PDE12: variants seen among roughly 807,000 people sequenced by gnomAD.
PDE12 encodes 2',5'-phosphodiesterase 12.
A neutral mutation model predicts 45.4 loss-of-function variants in PDE12; 26 were observed. That is an observed-to-expected ratio of 0.57 (90% CI 0.42 to 0.79). The LOEUF (loss-of-function observed/expected upper bound fraction) is 0.79, where lower values mean the gene tolerates loss of function less well. Ranked by LOEUF, PDE12 falls within the 30% of genes least tolerant of loss-of-function variation. The probability of loss-of-function intolerance (pLI) is 0.00; values close to 1 mark genes in which losing one functional copy is unlikely to be tolerated. For synonymous variants in PDE12, 283 were observed against 323.9 expected, an observed-to-expected ratio of 0.87 and a Z score of 1.36; for missense variants, 668 against 790.0, an observed-to-expected ratio of 0.85 and a Z score of 1.85.
chr3:57,629,666 C>G, the PDE12 span, among the ~76,000 whole-genome samples: 1 of 150,978 alleles, frequency 6.6e-6, no homozygotes, highest in African/African-American at 2.4e-5. Flanking sequence ...CGCCTGCCAC[C>G]ACGCCCGGCT....
At chr3:57,651,701 A>G in the PDE12 span, among the ~76,000 whole-genome samples, 2 of 152,024 alleles carry the variant, frequency 1.3e-5, no homozygotes, top group African/African-American at 2.4e-5. Context: ...AAAAAAAAAA[A>G]GATAAACCCG....
At chr3:57,604,291 A>G in the PDE12 span, among the ~76,000 whole-genome samples, 9 of 152,138 alleles carry the variant, frequency 5.9e-5, no homozygotes, top group Non-Finnish European at 1.3e-4. Flanking sequence ...CGAGAGAATT[A>G]ATCTACAAAT....
At chr3:57,580,568 A>AT in the PDE12 span, among the ~76,000 whole-genome samples, 1 of 148,670 alleles carries the variant, frequency 6.7e-6, no homozygotes, top group African/African-American at 2.5e-5. Context: ...TGCCCAGGTA[A>AT]TTTTTTTTTA....
chr3:57,625,888 C>A, the PDE12 span: 1 of 152,522 alleles, frequency 6.6e-6, no homozygotes, highest in Non-Finnish European at 1.5e-5. Flanking sequence ...TGAAATGATA[C>A]ATCCTGTAGT....
At chr3:57,589,858 C>T in the PDE12 span, among the ~76,000 whole-genome samples, 6 of 150,102 alleles carry the variant, frequency 4.0e-5, no homozygotes, top group South Asian at 8.4e-4. Flanking sequence ...TTTAGGAGGC[C>T]GAGGAGGGTG....
downstream of PDE12, among the ~76,000 whole-genome samples, chr3:57,570,219 G>GTTTT (rs34599005): frequency 0.3 from 30,647 of 101,740 alleles, 4,962 homozygotes; most frequent in South Asian, 0.42. Context: ...TTAATCCAGT[G>GTTTT]TTTTTTTTTT....
the PDE12 span, chr3:57,645,665 C>G: frequency 6.2e-7 from 1 of 1,606,930 alleles, no homozygotes; most frequent in Non-Finnish European, 8.5e-7. Flanking sequence ...ACTTACGGAG[C>G]TTGGGTACGG....
At chr3:57,573,797 G>C in the PDE12 span, among the ~76,000 whole-genome samples, 1 of 152,160 alleles carries the variant, frequency 6.6e-6, no homozygotes, top group Admixed American at 6.6e-5. Context: ...GCCCAGGCTG[G>C]TCTCGAACTC....
At chr3:57,575,208 C>T in the PDE12 span, among the ~76,000 whole-genome samples, 1 of 150,990 alleles carries the variant, frequency 6.6e-6, no homozygotes, top group East Asian at 1.9e-4. Flanking sequence ...ATAAGAAAGC[C>T]AGATTTCAAA....
the PDE12 span, among the ~76,000 whole-genome samples, chr3:57,588,682 C>T: frequency 1.4e-5 from 2 of 143,058 alleles, no homozygotes; most frequent in Non-Finnish European, 1.5e-5. Flanking sequence ...GGAGAAAGCC[C>T]GTCTCTACTC....
downstream of PDE12, among the ~76,000 whole-genome samples, chr3:57,568,361 G>GGGAGGATCGCTTGAGCTT (rs1332640532): frequency 6.6e-6 from 1 of 151,620 alleles, no homozygotes; most frequent in African/African-American, 2.4e-5. Context: ...AGGCTGAGGT[G>GGGAGGATCGCTTGAGCTT]GGAGGATCGC....
At chr3:57,641,416 AT>A in the PDE12 span, among the ~76,000 whole-genome samples, 1 of 147,496 alleles carries the variant, frequency 6.8e-6, no homozygotes, top group Admixed American at 6.9e-5. Context: ...TAAGTGTTAT[AT>A]TATTATTCTA....
chr3:57,609,767 A>G, the PDE12 span, among the ~76,000 whole-genome samples: 1 of 152,194 alleles, frequency 6.6e-6, no homozygotes, highest in Non-Finnish European at 1.5e-5. Context: ...AAAAAAGTCC[A>G]GGACCAGAGA....
At chr3:57,644,941 T>G in the PDE12 span, among the ~76,000 whole-genome samples, 9 of 151,892 alleles carry the variant, frequency 5.9e-5, no homozygotes, top group Non-Finnish European at 7.4e-5. Flanking sequence ...CAATCCGCAG[T>G]TGACTAGAAG....
chr3:57,607,354 G>A, the PDE12 span, among the ~76,000 whole-genome samples: 11 of 152,288 alleles, frequency 7.2e-5, no homozygotes, highest in South Asian at 1.5e-3. Context: ...CCGAAGGAAC[G>A]CAGCTCCTCA....
At chr3:57,575,201 A>G in the PDE12 span, among the ~76,000 whole-genome samples, 1 of 152,138 alleles carries the variant, frequency 6.6e-6, no homozygotes, top group Non-Finnish European at 1.5e-5. Context: ...ACCCTTAATA[A>G]GAAAGCCAGA....
In PDE12 at chr3:57,566,570, G is replaced by A. The variant is rs957588997; in HGVS notation, c.*6566G>A. On this transcript the variant is annotated 3_prime_UTR_variant, in exon 3 of 3. Coordinates refer to ENST00000311180, the MANE Select transcript of PDE12 (RefSeq NM_177966.7). ...TTACGGAAAGCAGTTGCACTATTTTGCATTCCCACCAAGCAATATGAGGGT... is the reference window on the plus strand; with the variant it reads ...TTACGGAAAGCAGTTGCACTATTTTACATTCCCACCAAGCAATATGAGGGT... 3 of 152,070 alleles carry A rather than the reference G, an allele frequency of 2.0e-5. No homozygotes were observed. Among genetic ancestry groups the A allele is most frequent in the Admixed American group, 6.6e-5 (1 of 15,256 alleles). The allele number at this position is 152,070 out of a possible 1,614,324, so 9.4% of individuals were successfully genotyped here. A position where few individuals can be genotyped will look rare whatever the true frequency, so the allele number is the denominator to read the frequency against.
At chr3:57,597,098 T>G in the PDE12 span, 1 of 1,614,186 alleles carries the variant, frequency 6.2e-7, no homozygotes, top group Non-Finnish European at 8.5e-7. Flanking sequence ...ATCTGCTTCT[T>G]GCCAAATAGT....
the PDE12 span, among the ~76,000 whole-genome samples, chr3:57,590,979 G>T: frequency 6.6e-6 from 1 of 152,036 alleles, no homozygotes; most frequent in Admixed American, 6.6e-5. Context: ...TACATTTTTG[G>T]ACTTTAATTC....
Sources: allele counts gnomAD v4.1 joint callset (sites outside exome capture counted in the v4.1 genomes callset), GRCh38; gene constraint gnomAD v4.1.1; transcripts MANE v1.5; gene names NCBI Gene and HGNC (gene_info 2026-07-23, HGNC 2026-07-21).